Variants in STRADB observed in about 807,000 individuals in gnomAD.
STRADB encodes STE20 related adaptor beta.
Under a neutral mutation model 52.1 loss-of-function variants are expected in STRADB, and 34 were observed. The observed-to-expected ratio is 0.65, with a 90% CI of 0.50 to 0.87. The LOEUF is 0.87. Among genes scored for constraint, STRADB ranks in the 40% least tolerant of loss-of-function variants. The pLI, the probability that STRADB is intolerant of heterozygous loss-of-function variation, is 0.00. For synonymous variants in STRADB, 133 were observed against 174.5 expected (o/e 0.76, Z 1.87); for missense variants, 340 against 483.9 (o/e 0.70, Z 2.79).
Position 201,477,964 on chromosome 2 carries a change from G to C in STRADB, c.721-123G>C, listed in dbSNP as rs1952506057. The C allele has an allele frequency of 3.4e-6, 4 of 1,159,748 alleles. No individual in the cohort carries two copies. In the South Asian group the frequency reaches 6.2e-5, roughly 18 times the overall value. The allele number at this position is 1,159,748 out of a possible 1,614,324, so 71.8% of individuals were successfully genotyped here. ...AAATACCATATATGAAGTGTGTCTT[G>C]ATTTGTCGCTTATGGGTTTCTTTTC... On this transcript the variant is annotated intron_variant, in intron 8 of 11. Coordinates refer to ENST00000194530, the MANE Select transcript of STRADB (RefSeq NM_018571.6).
chr2:201,456,167 A>G (rs1236592083), intron 2 of STRADB, among the ~76,000 whole-genome samples: 3 of 152,258 alleles, frequency 2.0e-5, no homozygotes, highest in Non-Finnish European at 1.5e-5. Context: ...CATAGGCAAT[A>G]TATAAATGAA....
At chr2:201,470,547 A>G (rs1220427035) in intron 4 of STRADB, among the ~76,000 whole-genome samples, 1 of 152,260 alleles carries the variant, frequency 6.6e-6, no homozygotes, top group East Asian at 1.9e-4. Context: ...AGAAACATCT[A>G]TTAAACACTA....
intron 7 of STRADB, among the ~76,000 whole-genome samples, chr2:201,475,955 A>ACAGAGG (rs1952465208): frequency 6.6e-6 from 1 of 152,160 alleles, no homozygotes. Context: ...TGTGCCAAGC[A>ACAGAGG]GTTATTGGGA....
At chr2:201,462,206 T>C (rs1303094889) in intron 3 of STRADB, among the ~76,000 whole-genome samples, 1 of 152,222 alleles carries the variant, frequency 6.6e-6, no homozygotes, top group Non-Finnish European at 1.5e-5. Flanking sequence ...TTTTGCCTGA[T>C]ATATGTGTAT....
chr2:201,468,121 T>C (rs1177379536), intron 3 of STRADB, among the ~76,000 whole-genome samples: 2 of 141,294 alleles, frequency 1.4e-5, no homozygotes, highest in Non-Finnish European at 3.1e-5. Context: ...TAATTAGCTA[T>C]GCCCAACAAT....
At chr2:201,459,698 C>T (rs573501824) in intron 3 of STRADB, among the ~76,000 whole-genome samples, 1 of 152,280 alleles carries the variant, frequency 6.6e-6, no homozygotes, top group South Asian at 2.1e-4. Context: ...GTTCAGTGTT[C>T]AGTAATGCTA....
intron 5 of STRADB, among the ~76,000 whole-genome samples, chr2:201,473,735 C>T (rs1190093193): frequency 1.3e-5 from 2 of 152,110 alleles, no homozygotes; most frequent in Admixed American, 1.3e-4. Context: ...AAATCAAAAA[C>T]AGTTTCCTTT....
intron 2 of STRADB, 52 bp from the exon 3 acceptor site, chr2:201,458,732 T>G: frequency 6.4e-7 from 1 of 1,550,442 alleles, no homozygotes; most frequent in South Asian, 1.1e-5. Context: ...ATACCACCCC[T>G]GCTTATCCTG....
At chr2:201,477,989 C>A (rs1340121418) in intron 8 of STRADB, 98 bp from the exon 9 acceptor site, 4 of 1,231,548 alleles carry the variant, frequency 3.2e-6, no homozygotes, top group East Asian at 2.3e-5. Context: ...GGTTTCTTTT[C>A]CATTATTGTT....
At chr2:201,461,923 A>G (rs568336718) in intron 3 of STRADB, among the ~76,000 whole-genome samples, 6 of 152,244 alleles carry the variant, frequency 3.9e-5, no homozygotes, top group Non-Finnish European at 5.9e-5. Context: ...TCCCAGCACC[A>G]CTTATTGAAG....
intron 1 of STRADB, among the ~76,000 whole-genome samples, chr2:201,453,018 TATA>T (rs1952072275): frequency 6.6e-6 from 1 of 152,068 alleles, no homozygotes; most frequent in Non-Finnish European, 1.5e-5. Context: ...CGGAGAAAAT[TATA>T]ATAACAGCAA....
At chr2:201,462,092 T>A (rs1221226184) in intron 3 of STRADB, among the ~76,000 whole-genome samples, 1 of 152,238 alleles carries the variant, frequency 6.6e-6, no homozygotes, top group Non-Finnish European at 1.5e-5. Context: ...CTCTGTAGTA[T>A]AATTTGAAGT....
intron 4 of STRADB, among the ~76,000 whole-genome samples, chr2:201,471,399 A>C (rs977378612): frequency 1.1e-4 from 17 of 152,180 alleles, no homozygotes; most frequent in African/African-American, 3.6e-4. Context: ...TACCCTCCTT[A>C]TTACTCAGAG....
intron 2 of STRADB, among the ~76,000 whole-genome samples, chr2:201,455,411 T>C (rs1350485105): frequency 1.5e-5 from 2 of 132,588 alleles, no homozygotes; most frequent in Non-Finnish European, 3.4e-5. Flanking sequence ...TAAAATGTGG[T>C]TTTTAAAAAA....
intron 7 of STRADB, among the ~76,000 whole-genome samples, chr2:201,477,313 C>T (rs1952493437): frequency 6.6e-6 from 1 of 152,078 alleles, no homozygotes; most frequent in African/African-American, 2.4e-5. Context: ...ATCTGCCCGC[C>T]TCAGCCTCCC....
chr2:201,456,836 A>T (rs1952135759), intron 2 of STRADB, among the ~76,000 whole-genome samples: 2 of 152,258 alleles, frequency 1.3e-5, no homozygotes, highest in South Asian at 4.1e-4. Flanking sequence ...AGTTCAGAGG[A>T]AACCAGGCAC....
chr2:201,473,839 A>AT (rs1168533172), intron 5 of STRADB, among the ~76,000 whole-genome samples: 1 of 147,562 alleles, frequency 6.8e-6, no homozygotes, highest in African/African-American at 2.5e-5. Context: ...GTCACTAATC[A>AT]TTTTTTATAT....
chr2:201,474,667 C>T lies in STRADB; in HGVS notation c.336C>T (p.His112=). The change falls in exon 6 of 12, where the codon CAC becomes CAT. Residue 112 remains histidine, a synonymous_variant. Coordinates refer to ENST00000194530, the MANE Select transcript of STRADB (RefSeq NM_018571.6). The part of the protein sequence containing the change: ...KALQKAVILS[H]FFRHPNITTY... ...CCTAGAAAGCCGTGATTCTATCCCA[C>T]TTTTTCCGGCATCCCAATATTACAA... 6.2e-7 allele frequency: 1 copy of T among 1,611,458 alleles called. No individual in the cohort carries two copies. The highest frequency in any genetic ancestry group is 8.5e-7 in the Non-Finnish European group (1 of 1,179,504).
At chr2:201,474,433 T>G (rs1180144217) in intron 5 of STRADB, among the ~76,000 whole-genome samples, 2 of 152,214 alleles carry the variant, frequency 1.3e-5, no homozygotes, top group African/African-American at 4.8e-5. Flanking sequence ...TGGACAGGTT[T>G]TCTAACTTAT....
Sources: gnomAD v4.1 joint callset for allele counts (sites outside exome capture counted in the v4.1 genomes callset) on GRCh38, gnomAD v4.1.1 for gene constraint, MANE v1.5 for transcripts, NCBI Gene and HGNC (gene_info 2026-07-23, HGNC 2026-07-21) for gene names.